The following ARAP3 variants were observed in gnomAD, a reference collection of about 807,000 sequenced individuals.
The protein encoded by ARAP3 is ArfGAP with RhoGAP domain, ankyrin repeat and PH domain 3.
ARAP3 carries 82 observed loss-of-function variants against 169.2 expected under a neutral mutation model. That is an observed-to-expected ratio of 0.48 (90% CI 0.41 to 0.58). The LOEUF is 0.58. Ranked by LOEUF, ARAP3 falls within the 20% of genes least tolerant of loss-of-function variation. The probability of loss-of-function intolerance (pLI) is 0.00; values close to 1 mark genes in which losing one functional copy is unlikely to be tolerated. For synonymous variants in ARAP3, 791 were observed against 800.3 expected (o/e 0.99, Z 0.20); for missense variants, 1,764 against 2,018.0 (o/e 0.87, Z 2.41).
In ARAP3 at chr5:141,670,590, C is replaced by T. The variant is rs192594552; in HGVS notation, c.2029G>A (p.Ala677Thr). The T allele has an allele frequency of 1.9e-5, 30 of 1,614,096 alleles. 1 individual carries two copies. The highest frequency in any genetic ancestry group is 1.5e-4 in the South Asian group (14 of 91,086). Residue 677 changes from alanine (A) to threonine (T), a missense_variant, in exon 14 of 33, where the codon GCT becomes ACT. Ala to Thr is a moderately conservative substitution (Grantham distance 58). This residue lies in a region of ARAP3 where 1,112 missense variants were observed against 1,285.7 expected (regional missense o/e 0.86). Coordinates refer to ENST00000239440, the MANE Select transcript of ARAP3 (RefSeq NM_022481.6). Reference sequence around the variant, plus strand: ...CAGTACAGGAAGCCGCTGTAAGTAGCACGCACCACCACCTCATTGTACACA... The same window carrying T: ...CAGTACAGGAAGCCGCTGTAAGTAGTACGCACCACCACCTCATTGTACACA... ...PGVYNEVVVR[A>T]TYSGFLYCSP...
At position 141,671,436 on chromosome 5, in the gene ARAP3, C is replaced by T. The variant is rs748248403; in HGVS notation, c.1855-36G>A. ...GGAAGGGCCTCTGTCAGCCCCAAAT[C>T]CCAAACTGAGAGCACTGGGGACAGT... On this transcript the variant is annotated intron_variant, in intron 12 of 32. Transcript: ENST00000239440. The surrounding 1 kb of genome is among the most constrained non-coding windows in gnomAD (Gnocchi z 4.9). The T allele has an allele frequency of 1.6e-5, 25 of 1,595,696 alleles. No homozygotes were observed. The highest frequency in any genetic ancestry group is 2.0e-5 in the Non-Finnish European group (23 of 1,170,174).
chr5:141,671,667 G>A lies in ARAP3; in HGVS notation c.1757C>T (p.Thr586Ile). The stretch of plus-strand genomic sequence containing the variant: ...GATGAACTCTCCCCGGGGGCCAGGG[G>A]TCGCATCTGGATGTAGTCCCTCACC... The part of the protein sequence containing the change: ...PPGEGLHPDA[T>I]PGPRGEFISR... Residue 586 changes from threonine to isoleucine, a missense_variant, in exon 12 of 33, where the codon ACC (threonine) becomes ATC (isoleucine). Transcript: ENST00000239440. This position sits in a 1 kb window ranked among gnomAD's most constrained non-coding sequence, Gnocchi z 4.9. The A allele has an allele frequency of 1.2e-6, 2 of 1,613,938 alleles. No individual in the cohort carries two copies. Among genetic ancestry groups the A allele is most frequent in the Non-Finnish European group, 1.7e-6 (2 of 1,179,910 alleles).
intron 22 of ARAP3, 149 bp from the exon 23 acceptor site, chr5:141,659,625 G>A (rs2099909686): frequency 9.0e-6 from 12 of 1,338,960 alleles, no homozygotes; most frequent in Non-Finnish European, 1.2e-5. Context: ...AGTTGTGGGA[G>A]AAGAAGGGCC....
intron 14 of ARAP3, 76 bp from the exon 15 acceptor site, chr5:141,670,139 A>G: frequency 1.3e-6 from 2 of 1,539,110 alleles, no homozygotes; most frequent in Admixed American, 4.8e-5. Flanking sequence ...CCAGATATTT[A>G]TTCTGTGCCA....
chr5:141,671,681 T>G lies in ARAP3; in HGVS notation c.1743A>C (p.Leu581=). ...WAGTLPPGEG[L]HPDATPGPRG... ...GGGGGCCAGGGGTCGCATCTGGATG[T>G]AGTCCCTCACCTGGGGGTAGGGTCC... Residue 581 remains leucine (L), a synonymous_variant, in exon 12 of 33, where the codon CTA becomes CTC. Transcript: ENST00000239440. The surrounding 1 kb of genome is among the most constrained non-coding windows in gnomAD (Gnocchi z 4.9). 1 of 1,613,470 alleles carries G rather than the reference T, an allele frequency of 6.2e-7. No individual in the cohort carries two copies. The highest frequency in any genetic ancestry group is 8.5e-7 in the Non-Finnish European group (1 of 1,179,688).
intron 6 of ARAP3, 117 bp from the exon 7 acceptor site, chr5:141,673,250 G>T: frequency 6.4e-7 from 1 of 1,565,910 alleles, no homozygotes; most frequent in Non-Finnish European, 8.7e-7. Context: ...AGTGGGTACA[G>T]CTGCTAAGCC....
At chr5:141,657,662 G>A (rs770759225) in intron 25 of ARAP3, among the ~76,000 whole-genome samples, 4 of 152,238 alleles carry the variant, frequency 2.6e-5, no homozygotes, top group Non-Finnish European at 5.9e-5. Flanking sequence ...TGGAGATGGA[G>A]AGAAGTGATT....
chr5:141,679,666 G>A lies in ARAP3; in HGVS notation c.587-10C>T, dbSNP rs780203767. ...GGATCCATGATGTGCACTGGCAGGA[G>A]GAGAGGGGAACGCACAAGGAAGAGG... On this transcript the variant is annotated splice_polypyrimidine_tract_variant and intron_variant, in intron 3 of 32. Transcript: ENST00000239440. 1.2e-6 allele frequency: 2 copies of A among 1,614,028 alleles called. No homozygotes were observed. The highest frequency in any genetic ancestry group is 1.7e-6 in the Non-Finnish European group (2 of 1,179,934).
Position 141,671,202 on chromosome 5 carries a change from C to G in ARAP3, c.1990+63G>C, listed in dbSNP as rs141333920. On this transcript the variant is annotated intron_variant, in intron 13 of 32. Transcript: ENST00000239440. This position sits in a 1 kb window ranked among gnomAD's most constrained non-coding sequence, Gnocchi z 4.9. ...AGCTAATTGGGGCCCCTTGGAAGAA[C>G]TGAATCATAGGTTGGGTCTGAGAAT... 2.6e-6 allele frequency: 4 copies of G among 1,533,604 alleles called. No homozygotes were observed. The highest frequency in any genetic ancestry group is 1.4e-5 in the African/African-American group (1 of 72,208). 95.0% of individuals were successfully genotyped at this position (1,533,604 alleles called of 1,614,324 possible). A position where few individuals can be genotyped will look rare whatever the true frequency, so the allele number is the denominator to read the frequency against.
At chr5:141,659,319 G>T in intron 23 of ARAP3, 89 bp downstream of exon 23, 1 of 1,288,636 alleles carries the variant, frequency 7.8e-7, no homozygotes. Context: ...AGGACAGGCT[G>T]GAAACTTCCT....
At chr5:141,659,309 A>C in intron 23 of ARAP3, 99 bp downstream of exon 23, 1 of 1,146,492 alleles carries the variant, frequency 8.7e-7, no homozygotes, top group Non-Finnish European at 1.3e-6. Flanking sequence ...AGTGTCCAGA[A>C]GGACAGGCTG....
chr5:141,659,416 C>T lies in ARAP3; in HGVS notation c.3328G>A (p.Asp1110Asn). The change falls in exon 23 of 33, where the codon GAC becomes AAC. Residue 1110 changes from aspartate to asparagine, a missense_variant. Physicochemically the swap from Asp to Asn is conservative, Grantham distance 23 (BLOSUM62 1). This residue lies in a region of ARAP3 where 1,112 missense variants were observed against 1,285.7 expected (regional missense o/e 0.86). Transcript: ENST00000239440. ...LEVSLITTWK[D>N]VQLSQAGDLI... ...AGGTCAGGACGAGTTACCTGCACGT[C>T]CTTCCAGGTGGTGATAAGACTGACC... 1 of 1,614,112 alleles carries T rather than the reference C, an allele frequency of 6.2e-7. No homozygotes were observed. Among genetic ancestry groups the T allele is most frequent in the Non-Finnish European group, 8.5e-7 (1 of 1,179,966 alleles).
rs370453653 is a variant in ARAP3 at position 141,654,153 on chromosome 5, G to A, written c.4432C>T (p.Arg1478Trp). ...GPPSKSSPQARGSLEEQLLQE... is the reference protein window; with the variant it reads ...GPPSKSSPQAWGSLEEQLLQE... ...AGCAGCTGTTCCTCTAGGGACCCCC[G>A]TGCCTGGGGACTGCTCTTTGAAGGG... is the stretch of plus-strand genomic sequence containing the variant. The change falls in exon 33 of 33, where the codon CGG becomes TGG. Residue 1478 changes from arginine to tryptophan, a missense_variant. Arg to Trp is a moderately radical substitution (Grantham distance 101). This residue lies in a region of ARAP3 where 1,112 missense variants were observed against 1,285.7 expected (regional missense o/e 0.86). Transcript: ENST00000239440. 70 of 1,600,686 alleles carry A rather than the reference G, an allele frequency of 4.4e-5. No individual in the cohort carries two copies. Among genetic ancestry groups the A allele is most frequent in the Admixed American group, 1.8e-4 (11 of 59,600 alleles).
Position 141,655,855 on chromosome 5 carries a change from T to C in ARAP3, c.3972+14A>G. 1 of 1,614,046 alleles carries C rather than the reference T, an allele frequency of 6.2e-7. No homozygotes were observed. Among genetic ancestry groups the C allele is most frequent in the Non-Finnish European group, 8.5e-7 (1 of 1,179,938 alleles). On this transcript the variant is annotated intron_variant, in intron 30 of 32. Transcript: ENST00000239440. The stretch of plus-strand genomic sequence containing the variant: ...GACCACAGACCCAGCCCTCAGCCTT[T>C]TCTTTCCCCTCACCTGGGCTTTAAG...
chr5:141,654,388 C>T lies in ARAP3; in HGVS notation c.4197G>A (p.Glu1399=), dbSNP rs566896711. Residue 1399 remains glutamate (E), a synonymous_variant, in exon 33 of 33, where the codon GAG becomes GAA. Transcript: ENST00000239440. ...QGSVEEQEEL[E]EPVYEEPVYE... is the part of the protein sequence containing the mutation. The stretch of plus-strand genomic sequence containing the variant: ...ACACTGGCTCCTCGTACACAGGCTC[C>T]TCCAGCTCCTCTTGCTCCTCCACAG... The T allele has an allele frequency of 1.2e-6, 2 of 1,611,046 alleles. No individual in the cohort carries two copies. Among genetic ancestry groups the T allele is most frequent in the Admixed American group, 1.7e-5 (1 of 59,900 alleles).
Position 141,673,404 on chromosome 5 carries a change from G to T in ARAP3, c.969C>A (p.Asp323Glu). 1 of 1,613,736 alleles carries T rather than the reference G, an allele frequency of 6.2e-7. No individual in the cohort carries two copies. Among genetic ancestry groups the T allele is most frequent in the Non-Finnish European group, 8.5e-7 (1 of 1,179,970 alleles). ...NGRSLMYFGS[D>E]KDPFPKGVIP... is the part of the protein sequence containing the mutation. ...GTCACATCTCCCAGCCCCCCACCTT[G>T]TCACTGCCAAAGTACATCAGACTCC... The change falls in exon 6 of 33, where the codon GAC becomes GAA. Residue 323 changes from aspartate to glutamate, a missense_variant. Physicochemically the swap from Asp to Glu is conservative, Grantham distance 45. This residue lies in a region of ARAP3 where 630 missense variants were observed against 678.7 expected (regional missense o/e 0.93). Coordinates refer to ENST00000239440, the MANE Select transcript of ARAP3 (RefSeq NM_022481.6).
At chr5:141,670,727 G>A in intron 13 of ARAP3, 99 bp from the exon 14 acceptor site, 1 of 984,950 alleles carries the variant, frequency 1.0e-6, no homozygotes, top group Non-Finnish European at 1.6e-6. Context: ...AGTGGGACCT[G>A]ACTCCACTGC....
At chr5:141,677,841 G>A (rs1447649061) in intron 4 of ARAP3, among the ~76,000 whole-genome samples, 1 of 152,024 alleles carries the variant, frequency 6.6e-6, no homozygotes, top group Non-Finnish European at 1.5e-5. Flanking sequence ...ATGGAGGGCA[G>A]TGGCATGATC....
intron 4 of ARAP3, among the ~76,000 whole-genome samples, chr5:141,676,803 T>C (rs191769805): frequency 5.6e-4 from 85 of 152,312 alleles, no homozygotes; most frequent in African/African-American, 1.9e-3. Flanking sequence ...CACAGCTCTA[T>C]GCACCCATCT....
Sources: allele counts gnomAD v4.1 joint callset (sites outside exome capture counted in the v4.1 genomes callset), GRCh38; gene constraint gnomAD v4.1.1; regional missense constraint gnomAD v4.1.1; non-coding constraint Gnocchi (gnomAD v3.1); transcripts MANE v1.5; gene names NCBI Gene and HGNC (gene_info 2026-07-23, HGNC 2026-07-21).